Variants in BICDL2 observed in about 807,000 individuals in gnomAD.
BICDL2 encodes the protein BICD family like cargo adaptor 2.
BICDL2 carries 62 observed loss-of-function variants against 56.6 expected under a neutral mutation model. The ratio of observed to expected loss-of-function variants is 1.10; its 90% CI spans 0.89 to 1.35. The LOEUF (loss-of-function observed/expected upper bound fraction) is 1.35, where lower values mean the gene tolerates loss of function less well. Ranked by LOEUF, BICDL2 falls within the 40% of genes most tolerant of loss-of-function variation. The pLI, the probability that BICDL2 is intolerant of heterozygous loss-of-function variation, is 0.00. For synonymous variants in BICDL2, 358 were observed against 319.8 expected, an observed-to-expected ratio of 1.12 and a Z score of -1.27; for missense variants, 808 against 684.5, an observed-to-expected ratio of 1.18 and a Z score of -2.01.
intron 1 of BICDL2, chr16:3,036,164 C>G: frequency 2.4e-6 from 1 of 422,644 alleles, no homozygotes; most frequent in Non-Finnish European, 4.6e-6. Context: ...CCCCATTTTC[C>G]ACGGGACTCA....
Position 3,030,479 on chromosome 16 carries a change from C to G in BICDL2, c.732G>C (p.Leu244=), listed in dbSNP as rs779404925. ...GGCTGTGCTCCCGCCGCTCCCGCCT[C>G]AGCAGCAGCAACTCCTCGTGGGTGG... The part of the protein sequence containing the change: ...LQTTHEELLL[L]RRERREHSLE... Residue 244 remains leucine (L), a synonymous_variant, in exon 5 of 10, where the codon CTG becomes CTC. Transcript: ENST00000572449. 1.4e-5 allele frequency: 22 copies of G among 1,604,080 alleles called. No individual in the cohort carries two copies. Among genetic ancestry groups the G allele is most frequent in the South Asian group, 4.4e-5 (4 of 90,912 alleles).
intron 2 of BICDL2, among the ~76,000 whole-genome samples, chr16:3,034,082 G>A (rs1302574798): frequency 6.6e-6 from 1 of 152,136 alleles, no homozygotes; most frequent in African/African-American, 2.4e-5. Context: ...CTGGGCAGAG[G>A]GAACTGTTCC....
intron 2 of BICDL2, chr16:3,032,067 G>C (rs948380072): frequency 6.6e-6 from 1 of 152,272 alleles, no homozygotes; most frequent in Non-Finnish European, 1.5e-5. Context: ...AAGTAGCTAA[G>C]ATTACTGGCG....
intron 2 of BICDL2, chr16:3,031,649 C>T (rs1030920739): frequency 1.5e-5 from 6 of 403,214 alleles, no homozygotes; most frequent in Non-Finnish European, 2.2e-5. Context: ...AATGCCCTGG[C>T]ACACCCAGAT....
intron 6 of BICDL2, 53 bp from the exon 7 acceptor site, chr16:3,029,482 A>G: frequency 6.3e-7 from 1 of 1,582,004 alleles, no homozygotes; most frequent in Non-Finnish European, 8.5e-7. Flanking sequence ...GGAAAGGAGG[A>G]AAGGCGGAGC....
At chr16:3,031,349 A>T (rs145677733) in intron 2 of BICDL2, 199 bp from the exon 3 acceptor site, 7 of 594,100 alleles carry the variant, frequency 1.2e-5, no homozygotes, top group African/African-American at 1.9e-5. Context: ...GGTTCCGAGC[A>T]GACAGGACGC....
At chr16:3,029,244 G>C in intron 7 of BICDL2, 36 bp downstream of exon 7, 1 of 1,598,204 alleles carries the variant, frequency 6.3e-7, no homozygotes, top group Non-Finnish European at 8.5e-7. Flanking sequence ...GACAGCTGGA[G>C]GGGCCGTGCA....
chr16:3,028,956 G>T, intron 7 of BICDL2, 126 bp from the exon 8 acceptor site: 1 of 1,301,078 alleles, frequency 7.7e-7, no homozygotes, highest in Non-Finnish European at 1.0e-6. Context: ...GGCAGCCGTG[G>T]CCCTGTGCTG....
chr16:3,035,303 G>A lies in BICDL2; in HGVS notation c.194C>T (p.Ala65Val), dbSNP rs766176090. ...QQKEKDLLLA[A>V]ELGKMLLERN... The stretch of plus-strand genomic sequence containing the variant: ...CTCCAGAAGCATCTTGCCGAGCTCC[G>A]CGGCCAACAGCAGGTCTTTCTCCTT... The change falls in exon 2 of 10, where the codon GCG becomes GTG. Residue 65 changes from alanine (A) to valine (V), a missense_variant. Ala to Val is a moderately conservative substitution (Grantham distance 64). Coordinates refer to ENST00000572449, the MANE Select transcript of BICDL2 (RefSeq NM_001369667.1). 8 of 1,565,278 alleles carry A rather than the reference G, an allele frequency of 5.1e-6. No homozygotes were observed. Among genetic ancestry groups the A allele is most frequent in the African/African-American group, 1.4e-5 (1 of 73,612 alleles).
chr16:3,030,991 G>A lies in BICDL2; in HGVS notation c.442C>T (p.Arg148Trp), dbSNP rs758581270. 4.8e-5 allele frequency: 74 copies of A among 1,553,840 alleles called. No homozygotes were observed. Among genetic ancestry groups the A allele is most frequent in the Non-Finnish European group, 6.0e-5 (69 of 1,155,960 alleles). ...TGCTCGCTGAGCTCGCTGAGGGCCC[G>A]TGCCCGTTCTCGCCCACTGTCCTGC... ...EQQDSGRERA[R>W]ALSELSEQNL... Residue 148 changes from arginine to tryptophan, a missense_variant, in exon 3 of 10, where the codon CGG (arginine) becomes TGG (tryptophan). Arg to Trp is a moderately radical substitution (Grantham distance 101). Transcript: ENST00000572449.
At position 3,029,336 on chromosome 16, in the gene BICDL2, T is replaced by C. The variant is rs759817577; in HGVS notation, c.1051A>G (p.Ser351Gly). 2.5e-6 allele frequency: 4 copies of C among 1,607,686 alleles called. No homozygotes were observed. The highest frequency in any genetic ancestry group is 4.5e-5 in the East Asian group (2 of 44,414). The change falls in exon 7 of 10, where the codon AGT becomes GGT. Residue 351 changes from serine (S) to glycine (G), a missense_variant. Transcript: ENST00000572449. ...TTCTCCTCCAGTATCTCCGCTGGAC[T>C]GAGGGATGTTCGCTTCTTGGGGGGC... ...LEPPKKRTSLSPAEILEEKEV... is the reference protein window; with the variant it reads ...LEPPKKRTSLGPAEILEEKEV...
Position 3,030,699 on chromosome 16 carries a change from C to T in BICDL2, c.612G>A (p.Gly204=). The T allele has an allele frequency of 6.2e-7, 1 of 1,611,236 alleles. No individual in the cohort carries two copies. The highest frequency in any genetic ancestry group is 8.5e-7 in the Non-Finnish European group (1 of 1,179,484). ...CCCAGCCCCAGCTGACACTCACTTC[C>T]CCCTGCAGACTCTCCAGCCGCGTCC... is the stretch of plus-strand genomic sequence containing the variant. ...ELRTRLESLQ[G]ENQMLQSRRQ... The change falls in exon 4 of 10, where the codon GGG becomes GGA. Residue 204 remains glycine (G), a synonymous_variant. Transcript: ENST00000572449.
At position 3,028,578 on chromosome 16, in the gene BICDL2, C is replaced by G. The variant is rs188169364; in HGVS notation, c.1239-110G>C. 6.1e-3 allele frequency: 9,390 copies of G among 1,526,882 alleles called. 64 individuals carry two copies. Among genetic ancestry groups the G allele is most frequent in the Middle Eastern group, 0.02 (118 of 5,842 alleles). 94.6% of individuals were successfully genotyped at this position (1,526,882 alleles called of 1,614,324 possible). ...GGAGGAGGGCTGCAAACACCTAGAT[C>G]AAGGAGGTCAGGGGGCCCCTGGGTG... On this transcript the variant is annotated intron_variant, in intron 8 of 9. Coordinates refer to ENST00000572449, the MANE Select transcript of BICDL2 (RefSeq NM_001369667.1).
chr16:3,036,627 C>G (rs969863736), intron 1 of BICDL2: 1 of 451,522 alleles, frequency 2.2e-6, no homozygotes, highest in Non-Finnish European at 4.4e-6. Context: ...CCCCTCCACG[C>G]GAGAGACAGG....
At position 3,035,367 on chromosome 16, in the gene BICDL2, G is replaced by GC; in HGVS notation, c.129dup (p.Pro44AlafsTer2). ...AAGGCTAGGTCCTCGGGCTCCTCAG[G>GC]CCCTGGGCCCCCTCCCAGGAATGAG... is the stretch of plus-strand genomic sequence containing the variant. On this transcript the variant is annotated frameshift_variant, in exon 2 of 10. Coordinates refer to ENST00000572449, the MANE Select transcript of BICDL2 (RefSeq NM_001369667.1). LOFTEE classifies it high-confidence loss of function. The GC allele has an allele frequency of 6.2e-7, 1 of 1,606,306 alleles. No individual in the cohort carries two copies. The highest frequency in any genetic ancestry group is 8.5e-7 in the Non-Finnish European group (1 of 1,177,228).
chr16:3,035,176 T>TTGGCCCGGGGGGGGGGGGGGGGGGGGGGG, intron 2 of BICDL2, 39 bp downstream of exon 2: 7 of 136,274 alleles, frequency 5.1e-5, no homozygotes, highest in Non-Finnish European at 8.1e-5. Flanking sequence ...CGTCCTCCCC[T>TTGGCCCGGGGGGGGGGGGGGGGGGGGGGG]GCCCACCCAC....
intron 2 of BICDL2, chr16:3,034,880 T>G: frequency 3.8e-6 from 1 of 262,802 alleles, no homozygotes; most frequent in Non-Finnish European, 7.3e-6. Flanking sequence ...ATCCAGCTAA[T>G]TTTCTTATTT....
intron 2 of BICDL2, among the ~76,000 whole-genome samples, chr16:3,034,122 G>A (rs1007056751): frequency 1.3e-5 from 2 of 152,180 alleles, no homozygotes; most frequent in Non-Finnish European, 2.9e-5. Context: ...AGAATCAATG[G>A]AGAGTCATGG....
At chr16:3,029,041 A>G (rs1326392389) in intron 7 of BICDL2, among the ~76,000 whole-genome samples, 1 of 152,196 alleles carries the variant, frequency 6.6e-6, no homozygotes, top group Non-Finnish European at 1.5e-5. Flanking sequence ...TTGGAGTGGT[A>G]TAACCCTGCA....
Sources: allele counts gnomAD v4.1 joint callset (sites outside exome capture counted in the v4.1 genomes callset), GRCh38; gene constraint gnomAD v4.1.1; transcripts MANE v1.5; gene names NCBI Gene and HGNC (gene_info 2026-07-23, HGNC 2026-07-21).